The following KIF4A variants were observed in gnomAD, a reference collection of about 807,000 sequenced individuals.
KIF4A encodes the protein kinesin family member 4A.
Under a neutral mutation model 105.9 loss-of-function variants are expected in KIF4A, and 7 were observed. The observed-to-expected ratio is 0.07, with a 90% CI of 0.04 to 0.12. KIF4A has a LOEUF of 0.12. Among genes scored for constraint, KIF4A ranks in the 10% least tolerant of loss-of-function variants. KIF4A has a pLI of 1.00. For missense variants in KIF4A, 558 were observed against 929.2 expected, an observed-to-expected ratio of 0.60 and a Z score of 5.19; for synonymous variants, 281 against 331.3, an observed-to-expected ratio of 0.85 and a Z score of 1.65.
intron 23 of KIF4A, 117 bp from the exon 24 acceptor site, chrX:70,403,747 A>G (rs1386788592): frequency 1.7e-6 from 1 of 589,523 alleles, no homozygotes; most frequent in Admixed American, 3.9e-5. Flanking sequence ...ATAGACTTGA[A>G]CATGGAGGAA....
intron 13 of KIF4A, 90 bp downstream of exon 13, chrX:70,344,072 C>A: frequency 1.6e-6 from 1 of 641,004 alleles, no homozygotes; most frequent in Non-Finnish European, 2.5e-6. Context: ...GTGCCTTTTG[C>A]TGAAACAACT....
chrX:70,322,765 T>G (rs1243994603), intron 7 of KIF4A, among the ~76,000 whole-genome samples: 1 of 106,986 alleles, frequency 9.3e-6, no homozygotes, highest in Non-Finnish European at 1.9e-5. Context: ...CACTGAGACC[T>G]GTCAGTCCTA....
chrX:70,346,012 AGGGAAGGGACAGGCCAACTCT>A (rs1440985094), intron 13 of KIF4A, among the ~76,000 whole-genome samples: 1 of 111,739 alleles, frequency 8.9e-6, no homozygotes, highest in African/African-American at 3.3e-5. Context: ...TGCAGACAAA[AGGGAAGGGACAGGCCAACTCT>A]GGGCACACTG....
At chrX:70,313,587 G>A (rs1029157027) in intron 7 of KIF4A, among the ~76,000 whole-genome samples, 3 of 111,635 alleles carry the variant, frequency 2.7e-5, no homozygotes, top group Middle Eastern at 4.2e-3. Context: ...TCTGTTTTCC[G>A]AATCCACTAC....
At chrX:70,401,649 C>T (rs1206330391) in intron 22 of KIF4A, among the ~76,000 whole-genome samples, 3 of 111,522 alleles carry the variant, frequency 2.7e-5, no homozygotes, top group Non-Finnish European at 3.8e-5. Flanking sequence ...GATCCACCCA[C>T]CTCGGCCTCC....
At chrX:70,323,894 C>T (rs1297414043) in intron 7 of KIF4A, among the ~76,000 whole-genome samples, 2 of 108,623 alleles carry the variant, frequency 1.8e-5, no homozygotes, top group Non-Finnish European at 3.8e-5. Context: ...AGTGCAGTGG[C>T]GCAATCTTGA....
At position 70,406,947 on chromosome X, in the gene KIF4A, G is replaced by A. The variant is rs374189816; in HGVS notation, c.3127G>A (p.Asp1043Asn). Residue 1043 changes from aspartate to asparagine, a missense_variant, in exon 28 of 31, where the codon GAT becomes AAT. Asp to Asn is a conservative substitution (Grantham distance 23). This residue lies in a region of KIF4A where 469 missense variants were observed against 680.4 expected (regional missense o/e 0.69). Coordinates refer to ENST00000374403, the MANE Select transcript of KIF4A (RefSeq NM_012310.5). The stretch of plus-strand genomic sequence containing the variant: ...CCTGGAGCAAAGCATGGACATCGAG[G>A]ATCTAAAATATTGTTCAGAGCATTC... ...KFLEQSMDIEDLKYCSEHSVN... is the reference protein window; with the variant it reads ...KFLEQSMDIENLKYCSEHSVN... The A allele has an allele frequency of 6.6e-6, 8 of 1,209,997 alleles. No individual in the cohort carries two copies. In the African/African-American group the frequency reaches 1.4e-4, roughly 21 times the overall value.
chrX:70,364,368 T>C (rs760880113), intron 15 of KIF4A, among the ~76,000 whole-genome samples: 8 of 110,102 alleles, frequency 7.3e-5, no homozygotes, highest in Admixed American at 2.9e-4. Context: ...GTTTTTATGG[T>C]TTTAGGTCTA....
At chrX:70,392,602 C>G (rs1274993972) in intron 20 of KIF4A, among the ~76,000 whole-genome samples, 1 of 109,855 alleles carries the variant, frequency 9.1e-6, no homozygotes, top group Non-Finnish European at 1.9e-5. Context: ...TCGAGACCAG[C>G]CTGGGCAACA....
At chrX:70,335,221 A>G (rs1347455569) in intron 10 of KIF4A, among the ~76,000 whole-genome samples, 1 of 112,416 alleles carries the variant, frequency 8.9e-6, no homozygotes, top group Non-Finnish European at 1.9e-5. Flanking sequence ...TTAAAAAGGA[A>G]GGTAATCCTG....
At chrX:70,319,202 G>A (rs190406207) in intron 7 of KIF4A, among the ~76,000 whole-genome samples, 1 of 111,666 alleles carries the variant, frequency 9.0e-6, no homozygotes, top group African/African-American at 3.2e-5. Context: ...GGCAGAGGTT[G>A]CATTGAGCCG....
At chrX:70,304,649 C>CTTTTTTTTTTT (rs138222376) in intron 7 of KIF4A, among the ~76,000 whole-genome samples, 2 of 51,538 alleles carry the variant, frequency 3.9e-5, no homozygotes, top group Non-Finnish European at 6.4e-5. Flanking sequence ...TACTTCATTC[C>CTTTTTTTTTTT]TTTTTTTTTT....
intron 15 of KIF4A, among the ~76,000 whole-genome samples, chrX:70,372,024 G>A (rs1483458155): frequency 9.4e-6 from 1 of 106,683 alleles, no homozygotes. Context: ...GGGCAGAGGC[G>A]CTCCCCACAT....
intron 15 of KIF4A, chrX:70,362,309 C>T (rs1049649382): frequency 2.7e-5 from 9 of 331,339 alleles, no homozygotes; most frequent in African/African-American, 1.9e-4. Context: ...GCTCTTTCTC[C>T]GTGGGGGTGC....
rs750677798 is a variant in KIF4A at position 70,290,756 on chromosome X, A to C, written c.186A>C (p.Glu62Asp). 1 of 1,207,075 alleles carries C rather than the reference A, an allele frequency of 8.3e-7. No individual in the cohort carries two copies. Among genetic ancestry groups the C allele is most frequent in the Non-Finnish European group, 1.1e-6 (1 of 892,537 alleles). Residue 62 changes from glutamate (E) to aspartate (D), a missense_variant, in exon 3 of 31, where the codon GAA (glutamate) becomes GAC (aspartate). By Grantham distance (45) the Glu-to-Asp change is conservative. Transcript: ENST00000374403. ...TATTTGATCCCTCTACTGAACAGGA[A>C]GAAGTCTTCAATACAGCAGTAGCGC... ...DFVFDPSTEQ[E>D]EVFNTAVAPL... is the part of the protein sequence containing the mutation.
chrX:70,349,769 C>T (rs1273826288), intron 13 of KIF4A, among the ~76,000 whole-genome samples: 5 of 72,395 alleles, frequency 6.9e-5, no homozygotes, highest in African/African-American at 1.2e-4. Flanking sequence ...AGTTCCCAGA[C>T]GGGGCGGCCG....
chrX:70,299,249 T>C (rs771925558), intron 5 of KIF4A, 47 bp downstream of exon 5: 2 of 1,052,251 alleles, frequency 1.9e-6, no homozygotes, highest in Admixed American at 4.9e-5. Context: ...TTGGCAATTA[T>C]AATACTAAAG....
rs183097468 is a variant in KIF4A, at chrX:70,402,454, A to G, written c.2490-112A>G. The G allele has an allele frequency of 4.1e-4, 366 of 895,805 alleles. 3 individuals carry two copies. In the African/African-American group the frequency reaches 5.6e-3, roughly 14 times the overall value. The allele number at this position is 895,805 out of a possible 1,213,427, so 73.8% of individuals were successfully genotyped here. On this transcript the variant is annotated intron_variant, in intron 22 of 30. Coordinates refer to ENST00000374403, the MANE Select transcript of KIF4A (RefSeq NM_012310.5). ...ATGACTTAAACATTATTTAAATGATATTTAACTGATAGCTCCATCCATAAA... is the reference window on the plus strand; with the variant it reads ...ATGACTTAAACATTATTTAAATGATGTTTAACTGATAGCTCCATCCATAAA...
rs771838395 is a variant in KIF4A at position 70,374,769 on chromosome X, T to C, written c.1779-435T>C. On this transcript the variant is annotated intron_variant, in intron 16 of 30. Coordinates refer to ENST00000374403, the MANE Select transcript of KIF4A (RefSeq NM_012310.5). Reference sequence around the variant, plus strand: ...AACATCCTACTCTCCTTCAGACCTCTGCCGTATGGGCTATCCTACCTTCTT... The same window carrying C: ...AACATCCTACTCTCCTTCAGACCTCCGCCGTATGGGCTATCCTACCTTCTT... Among the ~76,000 whole-genome samples, 18 of 112,288 alleles carry C rather than the reference T, an allele frequency of 1.6e-4. No individual in the cohort carries two copies. The South Asian group carries it at 6.3e-3, about 39-fold the overall frequency.
Sources: gnomAD v4.1 joint callset for allele counts (sites outside exome capture counted in the v4.1 genomes callset) on GRCh38, gnomAD v4.1.1 for gene constraint, gnomAD v4.1.1 regional missense constraint, MANE v1.5 for transcripts, NCBI Gene and HGNC (gene_info 2026-07-23, HGNC 2026-07-21) for gene names.